PTPRG: variants seen among roughly 807,000 people sequenced by gnomAD.
PTPRG encodes protein tyrosine phosphatase receptor type G, also known as receptor-type tyrosine-protein phosphatase gamma.
A neutral mutation model predicts 165.3 loss-of-function variants in PTPRG; 102 were observed. That is an observed-to-expected ratio of 0.62 (90% CI 0.53 to 0.73). PTPRG has a LOEUF of 0.73. Ranked by LOEUF, PTPRG falls within the 30% of genes least tolerant of loss-of-function variation. The pLI is 0.00. For synonymous variants in PTPRG, 675 were observed against 669.5 expected (o/e 1.01, Z -0.13); for missense variants, 1,866 against 1,861.4 (o/e 1.00, Z -0.05).
At chr3:61,584,285 C>T (rs896936164) in intron 1 of PTPRG, among the ~76,000 whole-genome samples, 2 of 152,096 alleles carry the variant, frequency 1.3e-5, no homozygotes, top group African/African-American at 4.8e-5. Context: ...TGGTAAGAGG[C>T]CCTGGAGGAT....
intron 1 of PTPRG, among the ~76,000 whole-genome samples, chr3:61,650,231 C>G (rs1283058345): frequency 6.6e-6 from 1 of 152,116 alleles, no homozygotes; most frequent in East Asian, 1.9e-4. Flanking sequence ...GGTTACAAAA[C>G]CAAATCAAGG....
At chr3:61,704,293 T>A (rs776914042) in intron 1 of PTPRG, among the ~76,000 whole-genome samples, 8 of 152,166 alleles carry the variant, frequency 5.3e-5, no homozygotes, top group Non-Finnish European at 7.3e-5. Flanking sequence ...TTGTTGGAGC[T>A]TTAAATGAGT....
chr3:62,011,846 A>G (rs1358089047), intron 4 of PTPRG, among the ~76,000 whole-genome samples: 1 of 152,212 alleles, frequency 6.6e-6, no homozygotes, highest in Admixed American at 6.5e-5. Flanking sequence ...AGTCATCCTT[A>G]GACAAGAACT....
Position 62,294,072 on chromosome 3 carries a change from C to T in PTPRG, c.*765C>T, listed in dbSNP as rs1469596228. The T allele has an allele frequency of 1.3e-5, 2 of 152,412 alleles. No individual in the cohort carries two copies. Among genetic ancestry groups the T allele is most frequent in the Non-Finnish European group, 2.9e-5 (2 of 67,976 alleles). 9.4% of individuals were successfully genotyped at this position (152,412 alleles called of 1,614,324 possible). ...CCATTTTGACTCTCTAAAATAGCTA[C>T]ATCCTAAAATCAGGGCTATCTTTAA... On this transcript the variant is annotated 3_prime_UTR_variant, in exon 30 of 30. Transcript: ENST00000474889.
intron 2 of PTPRG, among the ~76,000 whole-genome samples, chr3:61,971,152 A>C (rs1220259676): frequency 6.6e-6 from 1 of 152,146 alleles, no homozygotes; most frequent in East Asian, 1.9e-4. Context: ...TCCTGGGTTC[A>C]AGTGATTCTC....
intron 28 of PTPRG, among the ~76,000 whole-genome samples, chr3:62,290,031 C>A (rs1482749148): frequency 6.6e-6 from 1 of 152,028 alleles, no homozygotes; most frequent in Non-Finnish European, 1.5e-5. Context: ...TGACCGGATA[C>A]AATTTCACCA....
intron 2 of PTPRG, among the ~76,000 whole-genome samples, chr3:61,787,756 G>T (rs946091191): frequency 1.1e-4 from 17 of 152,146 alleles, no homozygotes; most frequent in African/African-American, 4.1e-4. Context: ...TTAAAAGGCC[G>T]ATTTATTGAC....
chr3:61,808,721 C>G (rs189183372), intron 2 of PTPRG, among the ~76,000 whole-genome samples: 4 of 152,124 alleles, frequency 2.6e-5, no homozygotes, highest in Admixed American at 6.6e-5. Context: ...TTAAACTCCT[C>G]CCTTTCCTGC....
At chr3:61,596,782 A>T (rs1291447742) in intron 1 of PTPRG, among the ~76,000 whole-genome samples, 4 of 90,948 alleles carry the variant, frequency 4.4e-5, no homozygotes, top group African/African-American at 1.0e-4. Context: ...CAATTAGTTT[A>T]TTATTATTAT....
At chr3:62,075,100 C>T (rs1034961098) in intron 4 of PTPRG, among the ~76,000 whole-genome samples, 4 of 152,098 alleles carry the variant, frequency 2.6e-5, no homozygotes, top group African/African-American at 7.2e-5. Context: ...TTTTATTATC[C>T]AGATGGGTGG....
chr3:62,000,956 G>A (rs1321994734), intron 3 of PTPRG, among the ~76,000 whole-genome samples: 1 of 152,160 alleles, frequency 6.6e-6, no homozygotes, highest in Non-Finnish European at 1.5e-5. Context: ...CATTTGAACA[G>A]TGATAGAAAC....
intron 3 of PTPRG, among the ~76,000 whole-genome samples, chr3:61,994,247 C>T (rs2040965665): frequency 6.6e-6 from 1 of 152,184 alleles, no homozygotes; most frequent in South Asian, 2.1e-4. Flanking sequence ...TTAGACGGTG[C>T]TTCTGATGTA....
At chr3:61,834,171 T>C (rs920848104) in intron 2 of PTPRG, among the ~76,000 whole-genome samples, 2 of 152,216 alleles carry the variant, frequency 1.3e-5, no homozygotes, top group Admixed American at 6.5e-5. Flanking sequence ...TTCTTTGACA[T>C]GTTGCCTCTC....
At position 62,139,088 on chromosome 3, in the gene PTPRG, CCTCT is replaced by C. The variant is rs1447249038; in HGVS notation, c.682+6422_682+6425del. ...CCCACCCCTTCCTCACTGTCACTTTCCTCTCCTGGAGAATGTACCATCTTAGTGA... is the reference window on the plus strand; with the variant it reads ...CCCACCCCTTCCTCACTGTCACTTTCCCTGGAGAATGTACCATCTTAGTGA... On this transcript the variant is annotated intron_variant, in intron 6 of 29. Coordinates refer to ENST00000474889, the MANE Select transcript of PTPRG (RefSeq NM_002841.4). Among the ~76,000 whole-genome samples, 3 of 152,192 alleles carry C rather than the reference CCTCT, an allele frequency of 2.0e-5. No individual in the cohort carries two copies. The South Asian group carries it at 6.2e-4, about 31-fold the overall frequency.
Position 62,271,615 on chromosome 3 carries a change from C to A in PTPRG, c.3182+60C>A. ...GGCAGGGGACTTAGGCCTCAGTGAC[C>A]TTGGACCACAATGATTGCTACTGCT... On this transcript the variant is annotated intron_variant, in intron 21 of 29. Transcript: ENST00000474889. This position sits in a 1 kb window ranked among gnomAD's most constrained non-coding sequence, Gnocchi z 4.1. The A allele has an allele frequency of 6.8e-7, 1 of 1,469,248 alleles. No homozygotes were observed. Among genetic ancestry groups the A allele is most frequent in the Non-Finnish European group, 9.2e-7 (1 of 1,081,362 alleles). The allele number at this position is 1,469,248 out of a possible 1,614,324, so 91.0% of individuals were successfully genotyped here.
Position 61,929,895 on chromosome 3 carries a change from T to A in PTPRG, c.191-59730T>A, listed in dbSNP as rs1034288652. 5.3e-5 allele frequency among the ~76,000 whole-genome samples: 8 copies of A among 152,344 alleles called. No individual in the cohort carries two copies. In the South Asian group the frequency reaches 8.3e-4, roughly 16 times the overall value. On this transcript the variant is annotated intron_variant, in intron 2 of 29. Coordinates refer to ENST00000474889, the MANE Select transcript of PTPRG (RefSeq NM_002841.4). Reference sequence around the variant, plus strand: ...TTTGTACCATATGCACAGAGAGTCGTGGATAACAGTTTAGACTAAATAAAG... The same window carrying A: ...TTTGTACCATATGCACAGAGAGTCGAGGATAACAGTTTAGACTAAATAAAG...
intron 8 of PTPRG, among the ~76,000 whole-genome samples, chr3:62,172,184 G>C (rs1221884593): frequency 1.3e-5 from 2 of 152,156 alleles, no homozygotes; most frequent in Non-Finnish European, 2.9e-5. Flanking sequence ...CCTGTTGGCT[G>C]TTATGAATAA....
At chr3:61,857,342 A>G (rs2037139805) in intron 2 of PTPRG, among the ~76,000 whole-genome samples, 1 of 152,220 alleles carries the variant, frequency 6.6e-6, no homozygotes, top group Admixed American at 6.5e-5. Flanking sequence ...AGACAGATAC[A>G]CAGCAGCTCC....
At chr3:61,980,760 A>G (rs1009735659) in intron 2 of PTPRG, among the ~76,000 whole-genome samples, 1 of 152,222 alleles carries the variant, frequency 6.6e-6, no homozygotes, top group African/African-American at 2.4e-5. Flanking sequence ...TGGTTTGATC[A>G]GATCTTCCTC....
Sources: allele counts gnomAD v4.1 joint callset (sites outside exome capture counted in the v4.1 genomes callset), GRCh38; gene constraint gnomAD v4.1.1; non-coding constraint Gnocchi (gnomAD v3.1); transcripts MANE v1.5; gene names NCBI Gene and HGNC (gene_info 2026-07-23, HGNC 2026-07-21).